NDUFB10: variants seen among roughly 807,000 people sequenced by gnomAD.
NDUFB10 encodes NADH:ubiquinone oxidoreductase subunit B10.
NDUFB10 carries 23 observed loss-of-function variants against 19.0 expected under a neutral mutation model. The observed-to-expected ratio is 1.21, with a 90% CI of 0.87 to 1.71. The LOEUF (loss-of-function observed/expected upper bound fraction) is 1.71. Ranked by LOEUF, NDUFB10 falls within the 40% of genes most tolerant of loss-of-function variation. NDUFB10 has a pLI of 0.00. For missense variants in NDUFB10, 312 were observed against 230.6 expected (o/e 1.35, Z -2.29); for synonymous variants, 104 against 81.8 (o/e 1.27, Z -1.46).
rs1355058100 is a variant in NDUFB10, at chr16:1,959,583, A to G, written c.-42A>G. ...CGGGACCCGGACGGAGGTAGAGGCC[A>G]GGGCAGCGCGTCCGGGAGCGGAGTC... On this transcript the variant is annotated 5_prime_UTR_variant, in exon 1 of 4. Coordinates refer to ENST00000268668, the MANE Select transcript of NDUFB10 (RefSeq NM_004548.3). 2.5e-6 allele frequency: 4 copies of G among 1,580,204 alleles called. No homozygotes were observed. The highest frequency in any genetic ancestry group is 1.8e-5 in the Admixed American group (1 of 54,518).
Position 1,961,617 on chromosome 16 carries a change from C to G in NDUFB10, c.390C>G (p.Ala130=). Residue 130 remains alanine (A), a synonymous_variant, in exon 3 of 4, where the codon GCC becomes GCG. Coordinates refer to ENST00000268668, the MANE Select transcript of NDUFB10 (RefSeq NM_004548.3). ...AAGTGGAGCAGTTCACCCAGGTGGC[C>G]AAGGCCTACCAGGACCGCTGTGCGT... ...IKEVEQFTQV[A]KAYQDRYQDL... The G allele has an allele frequency of 6.2e-7, 1 of 1,613,460 alleles. No individual in the cohort carries two copies. Among genetic ancestry groups the G allele is most frequent in the South Asian group, 1.1e-5 (1 of 91,066 alleles).
At position 1,961,329 on chromosome 16, in the gene NDUFB10, G is replaced by T. The variant is rs376172330; in HGVS notation, c.269+38G>T. 76 of 1,611,066 alleles carry T rather than the reference G, an allele frequency of 4.7e-5. 1 individual carries two copies. The South Asian group carries it at 7.8e-4, about 17-fold the overall frequency. ...TGCTGGGAGTGTGGAGATCTGCACC[G>T]TGTGCTGCTGGGACACTAGTCCCTG... On this transcript the variant is annotated intron_variant, in intron 2 of 3. Coordinates refer to ENST00000268668, the MANE Select transcript of NDUFB10 (RefSeq NM_004548.3).
In NDUFB10 at chr16:1,961,497, C is replaced by T; in HGVS notation, c.270C>T (p.Tyr90=). The T allele has an allele frequency of 2.5e-6, 4 of 1,613,942 alleles. No homozygotes were observed. Among genetic ancestry groups the T allele is most frequent in the Non-Finnish European group, 2.5e-6 (3 of 1,179,920 alleles). ...YEAEMQWKRD[Y]KVDQEIINIM... Reference sequence around the variant, plus strand: ...CTCTCTTGCTCCTTTTCTCCACCAGCAAAGTCGACCAAGAAATTATCAACA... The same window carrying T: ...CTCTCTTGCTCCTTTTCTCCACCAGTAAAGTCGACCAAGAAATTATCAACA... Residue 90 remains tyrosine, a splice_region_variant and synonymous_variant, in exon 3 of 4, where the codon TAC becomes TAT. Transcript: ENST00000268668.
chr16:1,961,841 A>C lies in NDUFB10; in HGVS notation c.454A>C (p.Lys152Gln). The C allele has an allele frequency of 6.4e-7, 1 of 1,563,890 alleles. No homozygotes were observed. Among genetic ancestry groups the C allele is most frequent in the Non-Finnish European group, 8.7e-7 (1 of 1,153,586 alleles). ...CAGTTCTGCCAGGAAGTGCCTGGCC[A>C]AACAGAGGCAGAGGATGCTGCAAGA... is the stretch of plus-strand genomic sequence containing the variant. Reference protein sequence around the residue: ...AYSSARKCLAKQRQRMLQERK... With the variant: ...AYSSARKCLAQQRQRMLQERK... Residue 152 changes from lysine to glutamine, a missense_variant, in exon 4 of 4, where the codon AAA becomes CAA. Lys to Gln is a moderately conservative substitution (Grantham distance 53, BLOSUM62 1). Transcript: ENST00000268668.
At chr16:1,961,742 C>T (rs1254400489) in intron 3 of NDUFB10, 55 bp from the exon 4 acceptor site, 6 of 1,532,768 alleles carry the variant, frequency 3.9e-6, no homozygotes, top group Non-Finnish European at 3.5e-6. Context: ...TGACTTTGCC[C>T]CCTTTGCATG....
chr16:1,961,588 A>G lies in NDUFB10; in HGVS notation c.361A>G (p.Lys121Glu), dbSNP rs1394511213. ...ACAGAACTACCAGCAGAACTGTATC[A>G]AGGAAGTGGAGCAGTTCACCCAGGT... ...EGQNYQQNCIKEVEQFTQVAK... is the reference protein window; with the variant it reads ...EGQNYQQNCIEEVEQFTQVAK... Residue 121 changes from lysine to glutamate, a missense_variant, in exon 3 of 4, where the codon AAG (lysine) becomes GAG (glutamate). Coordinates refer to ENST00000268668, the MANE Select transcript of NDUFB10 (RefSeq NM_004548.3). 6.2e-7 allele frequency: 1 copy of G among 1,614,058 alleles called. No homozygotes were observed.
chr16:1,961,701 C>CT lies in NDUFB10; in HGVS notation c.409+65_409+66insT, dbSNP rs1567316265. ...TGAGGCCTGGGGGCCAGAACCATTG[C>CT]AAATCTTCCCTCCCCTCCCTTGTGC... On this transcript the variant is annotated intron_variant, in intron 3 of 3. Coordinates refer to ENST00000268668, the MANE Select transcript of NDUFB10 (RefSeq NM_004548.3). 3 of 1,325,032 alleles carry CT rather than the reference C, an allele frequency of 2.3e-6. No individual in the cohort carries two copies. In the South Asian group the frequency reaches 3.7e-5, roughly 16 times the overall value. 82.1% of individuals were successfully genotyped at this position (1,325,032 alleles called of 1,614,324 possible).
At chr16:1,959,821 G>A (rs1285398622) in intron 1 of NDUFB10, 67 bp downstream of exon 1, 3 of 1,594,100 alleles carry the variant, frequency 1.9e-6, no homozygotes, top group East Asian at 2.3e-5. Context: ...CACCCTGCCT[G>A]GATCCTCCAA....
chr16:1,961,409 C>T (rs1272388617), intron 2 of NDUFB10, 88 bp from the exon 3 acceptor site: 1 of 1,593,572 alleles, frequency 6.3e-7, no homozygotes, highest in Non-Finnish European at 8.6e-7. Flanking sequence ...AGGAGCCAGA[C>T]CCCAGGGCTC....
At chr16:1,961,704 A>G (rs781456706) in intron 3 of NDUFB10, 68 bp downstream of exon 3, 9 of 1,534,346 alleles carry the variant, frequency 5.9e-6, no homozygotes, top group African/African-American at 1.4e-5. Context: ...ACCATTGCAA[A>G]TCTTCCCTCC....
In NDUFB10 at chr16:1,959,562, A is replaced by G; in HGVS notation, c.-63A>G. 6.5e-7 allele frequency: 1 copy of G among 1,528,894 alleles called. No individual in the cohort carries two copies. The highest frequency in any genetic ancestry group is 8.8e-7 in the Non-Finnish European group (1 of 1,134,814). 94.7% of individuals were successfully genotyped at this position (1,528,894 alleles called of 1,614,324 possible). A position where few individuals can be genotyped will look rare whatever the true frequency, so the allele number is the denominator to read the frequency against. ...TGTAGCGGGCGACCTAGGCCGCGGG[A>G]CCCGGACGGAGGTAGAGGCCAGGGC... is the stretch of plus-strand genomic sequence containing the variant. On this transcript the variant is annotated 5_prime_UTR_variant, in exon 1 of 4. Transcript: ENST00000268668.
At chr16:1,960,565 G>A (rs1464211718) in intron 1 of NDUFB10, among the ~76,000 whole-genome samples, 2 of 152,200 alleles carry the variant, frequency 1.3e-5, no homozygotes, top group African/African-American at 4.8e-5. Context: ...GCATGCTCTG[G>A]TGGTTCTTCC....
In NDUFB10 at chr16:1,961,919, T is replaced by TGCCCCTGCG; in HGVS notation, c.*21_*22insGGCCCCTGC. The TGCCCCTGCG allele has an allele frequency of 6.4e-7, 1 of 1,551,450 alleles. No homozygotes were observed. The highest frequency in any genetic ancestry group is 2.0e-5 in the Admixed American group (1 of 51,194). ...TGCCACCTCCTGAGGCAGCTGTGGG[T>TGCCCCTGCG]GCCCCTGCTGTGTGGCTCTGTATGA... On this transcript the variant is annotated 3_prime_UTR_variant, in exon 4 of 4. Coordinates refer to ENST00000268668, the MANE Select transcript of NDUFB10 (RefSeq NM_004548.3).
chr16:1,959,883 C>G, intron 1 of NDUFB10, 129 bp downstream of exon 1: 1 of 1,265,484 alleles, frequency 7.9e-7, no homozygotes, highest in Middle Eastern at 2.1e-4. Flanking sequence ...ACCCCGGGGA[C>G]AACTCCCCAC....
Position 1,961,453 on chromosome 16 carries a change from A to AG in NDUFB10, c.270-42dup, listed in dbSNP as rs1162464732. ...AATTGTTCTCACAGGGTACAGGAAA[A>AG]GGATTCCTTGTGATTAGCCTCTCTT... On this transcript the variant is annotated intron_variant, in intron 2 of 3. Coordinates refer to ENST00000268668, the MANE Select transcript of NDUFB10 (RefSeq NM_004548.3). 2.5e-6 allele frequency: 4 copies of AG among 1,609,006 alleles called. No homozygotes were observed. The East Asian group carries it at 6.7e-5, about 27-fold the overall frequency.
At chr16:1,961,378 A>T in intron 2 of NDUFB10, 87 bp downstream of exon 2, 1 of 1,597,744 alleles carries the variant, frequency 6.3e-7, no homozygotes, top group Non-Finnish European at 8.6e-7. Flanking sequence ...TGGCATGCCC[A>T]GATTTTAGGG....
chr16:1,959,804 G>C lies in NDUFB10; in HGVS notation c.130+50G>C, dbSNP rs1354568680. 2.5e-6 allele frequency: 4 copies of C among 1,605,482 alleles called. No individual in the cohort carries two copies. The African/African-American group carries it at 5.4e-5, about 22-fold the overall frequency. The stretch of plus-strand genomic sequence containing the variant: ...CCTCGCCGGCCTCTGGGGACCCCTG[G>C]ATCCCACACCCTGCCTGGATCCTCC... On this transcript the variant is annotated intron_variant, in intron 1 of 3. Coordinates refer to ENST00000268668, the MANE Select transcript of NDUFB10 (RefSeq NM_004548.3).
Position 1,961,653 on chromosome 16 carries a change from C to T in NDUFB10, c.409+17C>T. On this transcript the variant is annotated intron_variant, in intron 3 of 3. Coordinates refer to ENST00000268668, the MANE Select transcript of NDUFB10 (RefSeq NM_004548.3). ...AGGACCGCTGTGCGTGCCCCACCCA[C>T]CCCCAACCCCCCACCATCCTCCTGA... 6.5e-7 allele frequency: 1 copy of T among 1,543,188 alleles called. No individual in the cohort carries two copies.
chr16:1,961,917 G>A lies in NDUFB10; in HGVS notation c.*11G>A, dbSNP rs201285379. ...GCTGCCACCTCCTGAGGCAGCTGTG[G>A]GTGCCCCTGCTGTGTGGCTCTGTAT... On this transcript the variant is annotated 3_prime_UTR_variant, in exon 4 of 4. Transcript: ENST00000268668. 9 of 1,553,260 alleles carry A rather than the reference G, an allele frequency of 5.8e-6. No homozygotes were observed. In the African/African-American group the frequency reaches 1.2e-4, roughly 21 times the overall value.
Sources: allele counts gnomAD v4.1 joint callset (sites outside exome capture counted in the v4.1 genomes callset), GRCh38; gene constraint gnomAD v4.1.1; transcripts MANE v1.5; gene names NCBI Gene and HGNC (gene_info 2026-07-23, HGNC 2026-07-21).